AKAP6: variants seen among roughly 807,000 people sequenced by gnomAD.
AKAP6 encodes A-kinase anchor protein 6.
AKAP6 carries 58 observed loss-of-function variants against 188.5 expected under a neutral mutation model. That is an observed-to-expected ratio of 0.31 (90% CI 0.25 to 0.38). The LOEUF (loss-of-function observed/expected upper bound fraction) is 0.38. Ranked by LOEUF, AKAP6 falls within the 10% of genes least tolerant of loss-of-function variation. AKAP6 has a pLI of 1.00. For synonymous variants in AKAP6, 989 were observed against 998.6 expected, an observed-to-expected ratio of 0.99 and a Z score of 0.18; for missense variants, 2,710 against 2,740.0, an observed-to-expected ratio of 0.99 and a Z score of 0.24.
At chr14:32,762,758 G>T (rs894921103) in intron 11 of AKAP6, among the ~76,000 whole-genome samples, 2 of 151,924 alleles carry the variant, frequency 1.3e-5, no homozygotes, top group Non-Finnish European at 2.9e-5. Context: ...TTCATCCAAG[G>T]ATCTTCAAGA....
chr14:32,635,605 C>T (rs1286610150), intron 7 of AKAP6, among the ~76,000 whole-genome samples: 2 of 151,974 alleles, frequency 1.3e-5, no homozygotes, highest in Non-Finnish European at 2.9e-5. Flanking sequence ...TGAATTACCA[C>T]AAAATCTGAC....
At chr14:32,445,656 C>T (rs766712495) in intron 2 of AKAP6, among the ~76,000 whole-genome samples, 7 of 152,094 alleles carry the variant, frequency 4.6e-5, no homozygotes, top group Non-Finnish European at 1.0e-4. Context: ...GGATTACAGG[C>T]GTGAGCCACT....
At chr14:32,334,209 A>G (rs893323652) in intron 1 of AKAP6, among the ~76,000 whole-genome samples, 8 of 152,160 alleles carry the variant, frequency 5.3e-5, no homozygotes, top group African/African-American at 1.7e-4. Flanking sequence ...TTTTGTGGTT[A>G]TGGTTATCCG....
intron 12 of AKAP6, among the ~76,000 whole-genome samples, chr14:32,779,694 A>C (rs1269647856): frequency 6.6e-6 from 1 of 152,216 alleles, no homozygotes; most frequent in African/African-American, 2.4e-5. Flanking sequence ...AACTGTGAGG[A>C]GACAACAAAA....
chr14:32,407,950 C>T (rs1216471319), intron 1 of AKAP6, among the ~76,000 whole-genome samples: 1 of 152,200 alleles, frequency 6.6e-6, no homozygotes. Context: ...CCTTGCTGAA[C>T]TGCAGATGGT....
At chr14:32,436,082 G>T (rs1890369184) in intron 2 of AKAP6, among the ~76,000 whole-genome samples, 1 of 152,190 alleles carries the variant, frequency 6.6e-6, no homozygotes, top group African/African-American at 2.4e-5. Context: ...TCTCAACTGA[G>T]GCCTTTGGCA....
At chr14:32,415,683 TC>T (rs1326927447) in intron 1 of AKAP6, among the ~76,000 whole-genome samples, 2 of 152,116 alleles carry the variant, frequency 1.3e-5, no homozygotes, top group Admixed American at 6.6e-5. Context: ...AAACAATAAC[TC>T]CCCATTTCAT....
At chr14:32,602,979 T>G (rs1277979496) in intron 7 of AKAP6, among the ~76,000 whole-genome samples, 2 of 152,222 alleles carry the variant, frequency 1.3e-5, no homozygotes, top group Admixed American at 1.3e-4. Flanking sequence ...TGGTGAAGTG[T>G]GAGCAACAGA....
chr14:32,514,187 G>T (rs1490030148), intron 2 of AKAP6, among the ~76,000 whole-genome samples: 1 of 152,154 alleles, frequency 6.6e-6, no homozygotes, highest in East Asian at 1.9e-4. Context: ...ATCTGGATTT[G>T]TTGTTATCTA....
chr14:32,824,285 G>T lies in AKAP6; in HGVS notation c.6472G>T (p.Ala2158Ser). Residue 2158 changes from alanine to serine, a missense_variant, in exon 13 of 14, where the codon GCC becomes TCC. This residue lies in a region of AKAP6 where 2,473 missense variants were observed against 2,426.1 expected (regional missense o/e 1.02). Transcript: ENST00000280979. The part of the protein sequence containing the change: ...DKEDIECFFE[A>S]CVEGDSDGEE... ...GGAAGATATTGAATGCTTTTTTGAGGCCTGTGTTGAGGGTGACTCTGATGG... is the reference window on the plus strand; with the variant it reads ...GGAAGATATTGAATGCTTTTTTGAGTCCTGTGTTGAGGGTGACTCTGATGG... The T allele has an allele frequency of 6.2e-7, 1 of 1,613,828 alleles. No homozygotes were observed. Among genetic ancestry groups the T allele is most frequent in the South Asian group, 1.1e-5 (1 of 91,076 alleles).
At chr14:32,800,185 TAC>T (rs1466281571) in intron 12 of AKAP6, among the ~76,000 whole-genome samples, 8 of 142,808 alleles carry the variant, frequency 5.6e-5, no homozygotes, top group East Asian at 3.9e-4. Context: ...CATATATATA[TAC>T]ACATATATAT....
At chr14:32,814,115 C>A (rs1038586307) in intron 12 of AKAP6, among the ~76,000 whole-genome samples, 3 of 152,204 alleles carry the variant, frequency 2.0e-5, no homozygotes, top group Non-Finnish European at 4.4e-5. Context: ...TGGACTTTTT[C>A]AGGCTACCTT....
At chr14:32,472,314 G>GA (rs1427330053) in intron 2 of AKAP6, among the ~76,000 whole-genome samples, 2 of 152,126 alleles carry the variant, frequency 1.3e-5, no homozygotes, top group Non-Finnish European at 2.9e-5. Flanking sequence ...AAGTCCCAGG[G>GA]AGGGTCTCAG....
intron 2 of AKAP6, among the ~76,000 whole-genome samples, chr14:32,443,303 G>T (rs549687084): frequency 1.3e-5 from 2 of 152,030 alleles, no homozygotes; most frequent in Non-Finnish European, 2.9e-5. Context: ...CTGAGGCAGA[G>T]AATTGCTTGA....
intron 12 of AKAP6, among the ~76,000 whole-genome samples, chr14:32,797,005 A>G (rs1197492322): frequency 6.6e-6 from 1 of 152,182 alleles, no homozygotes; most frequent in Non-Finnish European, 1.5e-5. Flanking sequence ...AAAGACATAC[A>G]TGCAGTGAAC....
At chr14:32,739,792 G>A (rs1014229311) in intron 11 of AKAP6, among the ~76,000 whole-genome samples, 6 of 152,004 alleles carry the variant, frequency 3.9e-5, no homozygotes, top group Non-Finnish European at 8.8e-5. Flanking sequence ...CTTAGGTTGG[G>A]CTTCCAAATC....
chr14:32,746,165 G>A (rs1290550106), intron 11 of AKAP6, among the ~76,000 whole-genome samples: 2 of 152,066 alleles, frequency 1.3e-5, no homozygotes, highest in African/African-American at 2.4e-5. Context: ...CTACCCCTCT[G>A]TAGCCAAGCT....
rs541298183 is a variant in AKAP6, at chr14:32,769,971, T to C, written c.3373-3707T>C. Among the ~76,000 whole-genome samples, 7 of 152,350 alleles carry C rather than the reference T, an allele frequency of 4.6e-5. No homozygotes were observed. The East Asian group carries it at 1.3e-3, about 29-fold the overall frequency. ...TATTTGATATATAATGAAGACTAAA[T>C]ACCAGTATTGAAAGTCTTAACTTCA... On this transcript the variant is annotated intron_variant, in intron 11 of 13. Coordinates refer to ENST00000280979, the MANE Select transcript of AKAP6 (RefSeq NM_004274.5).
In AKAP6 at chr14:32,832,176, A is replaced by C. The variant is rs2034827385; in HGVS notation, c.*2371A>C. 1 of 152,144 alleles carries C rather than the reference A, an allele frequency of 6.6e-6. No individual in the cohort carries two copies. The highest frequency in any genetic ancestry group is 2.4e-5 in the African/African-American group (1 of 41,432). The allele number at this position is 152,144 out of a possible 1,614,324, so 9.4% of individuals were successfully genotyped here. On this transcript the variant is annotated 3_prime_UTR_variant, in exon 14 of 14. Transcript: ENST00000280979. ...AGAGATAATTGTCTAGTTAGGGGGCAGCTGGAGAAAATAAGCTAAGTTTGC... is the reference window on the plus strand; with the variant it reads ...AGAGATAATTGTCTAGTTAGGGGGCCGCTGGAGAAAATAAGCTAAGTTTGC...
Sources: gnomAD v4.1 joint callset for allele counts (sites outside exome capture counted in the v4.1 genomes callset) on GRCh38, gnomAD v4.1.1 for gene constraint, gnomAD v4.1.1 regional missense constraint, MANE v1.5 for transcripts, NCBI Gene and HGNC (gene_info 2026-07-23, HGNC 2026-07-21) for gene names.